Variants in IQUB observed in about 807,000 individuals in gnomAD.
The protein encoded by IQUB is IQ motif and ubiquitin-like domain-containing protein.
IQUB carries 86 observed loss-of-function variants against 86.4 expected under a neutral mutation model. That is an observed-to-expected ratio of 1.00 (90% confidence interval 0.84 to 1.19). The LOEUF is 1.19. IQUB is among the 50% of genes most tolerant of loss of function. IQUB has a pLI of 0.00. For synonymous variants in IQUB, 289 were observed against 304.5 expected (o/e 0.95, Z 0.53); for missense variants, 946 against 916.9 (o/e 1.03, Z -0.41).
rs1322074193 is a variant in IQUB, at chr7:123,524,119, G to C, written c.-5+10373C>G. 3.4e-5 allele frequency among the ~76,000 whole-genome samples: 5 copies of C among 147,838 alleles called. No homozygotes were observed. In the South Asian group the frequency reaches 1.1e-3, roughly 32 times the overall value. On this transcript the variant is annotated intron_variant, in intron 1 of 12. Coordinates refer to ENST00000324698, the MANE Select transcript of IQUB (RefSeq NM_178827.5). ...TTGGTTACTGTAGCCTTGTAGTATA[G>C]TTTGAAGTCAGGTAGTGTGATGCCT...
Position 123,524,519 on chromosome 7 carries a change from A to G in IQUB, c.-5+9973T>C, listed in dbSNP as rs1274747822. Among the ~76,000 whole-genome samples the G allele has an allele frequency of 2.0e-5, 3 of 148,482 alleles. No homozygotes were observed. The East Asian group carries it at 5.9e-4, about 29-fold the overall frequency. On this transcript the variant is annotated intron_variant, in intron 1 of 12. Coordinates refer to ENST00000324698, the MANE Select transcript of IQUB (RefSeq NM_178827.5). The stretch of plus-strand genomic sequence containing the variant: ...GGCTCTCTGTCTGTTGTTGGTGTAT[A>G]AGAATGCTTGTGATTTTTGTACATT...
At chr7:123,529,828 A>G (rs1797445091) in intron 1 of IQUB, among the ~76,000 whole-genome samples, 1 of 151,468 alleles carries the variant, frequency 6.6e-6, no homozygotes, top group South Asian at 2.1e-4. Context: ...AGGTCAGGAG[A>G]TCAAGACCAT....
chr7:123,510,160 C>T lies in IQUB; in HGVS notation c.398-125G>A, dbSNP rs1796354736. ...TTACATAGAATACAAGTTGTTCTTG[C>T]TAGTGTTTCCCTGCTGTGCCCCAAT... On this transcript the variant is annotated intron_variant, in intron 2 of 12. Transcript: ENST00000324698. 3 of 624,112 alleles carry T rather than the reference C, an allele frequency of 4.8e-6. 1 individual carries two copies. In the Admixed American group the frequency reaches 8.5e-5, roughly 18 times the overall value. 38.7% of individuals were successfully genotyped at this position (624,112 alleles called of 1,614,324 possible). A position where few individuals can be genotyped will look rare whatever the true frequency, so the allele number is the denominator to read the frequency against.
chr7:123,502,886 CA>C (rs1796009941), intron 5 of IQUB, 57 bp downstream of exon 5: 4 of 1,450,934 alleles, frequency 2.8e-6, no homozygotes, highest in Middle Eastern at 1.8e-4. Context: ...GAGAGTCATA[CA>C]GTACAATTAT....
At chr7:123,486,069 G>T (rs952486020) in intron 7 of IQUB, among the ~76,000 whole-genome samples, 1 of 152,124 alleles carries the variant, frequency 6.6e-6, no homozygotes, top group East Asian at 1.9e-4. Flanking sequence ...CAGCTGGAGA[G>T]GTATAAGGAG....
chr7:123,479,229 T>G (rs1226503988), intron 8 of IQUB, among the ~76,000 whole-genome samples: 1 of 152,146 alleles, frequency 6.6e-6, no homozygotes, highest in Non-Finnish European at 1.5e-5. Context: ...AACAGACTAT[T>G]CAATATCAAA....
At chr7:123,532,213 T>C (rs1484682477) in intron 1 of IQUB, among the ~76,000 whole-genome samples, 1 of 152,220 alleles carries the variant, frequency 6.6e-6, no homozygotes, top group African/African-American at 2.4e-5. Context: ...TTTATTGTCA[T>C]TGCTTTCTAA....
At chr7:123,524,274 A>C (rs1797068859) in intron 1 of IQUB, among the ~76,000 whole-genome samples, 3 of 141,054 alleles carry the variant, frequency 2.1e-5, no homozygotes, top group Admixed American at 1.4e-4. Flanking sequence ...GATGGCATTG[A>C]ATCTGTAAAT....
chr7:123,497,230 C>T (rs763041786), intron 6 of IQUB, among the ~76,000 whole-genome samples: 1 of 152,130 alleles, frequency 6.6e-6, no homozygotes, highest in Non-Finnish European at 1.5e-5. Flanking sequence ...TACTTGCCAT[C>T]TCTATGCTTT....
At chr7:123,485,195 A>T (rs1795168044) in intron 7 of IQUB, among the ~76,000 whole-genome samples, 2 of 152,140 alleles carry the variant, frequency 1.3e-5, no homozygotes, top group Non-Finnish European at 2.9e-5. Context: ...TAAAGGTCCA[A>T]GACTAATATG....
chr7:123,527,177 A>C lies in IQUB; in HGVS notation c.-5+7315T>G, dbSNP rs529252876. On this transcript the variant is annotated intron_variant, in intron 1 of 12. Coordinates refer to ENST00000324698, the MANE Select transcript of IQUB (RefSeq NM_178827.5). ...GTTTTCAGCTCCATCAGCTCCTTTA[A>C]GCACTTTTCTTTATTGGTTATTGTA... is the stretch of plus-strand genomic sequence containing the variant. Among the ~76,000 whole-genome samples, 12 of 152,036 alleles carry C rather than the reference A, an allele frequency of 7.9e-5. No homozygotes were observed. In the East Asian group the frequency reaches 2.3e-3, roughly 29 times the overall value.
intron 7 of IQUB, among the ~76,000 whole-genome samples, chr7:123,488,120 C>T (rs924424152): frequency 6.6e-6 from 1 of 151,674 alleles, no homozygotes; most frequent in East Asian, 1.9e-4. Flanking sequence ...CCGAGGCGGG[C>T]GGATCACGAG....
At chr7:123,528,000 G>C (rs561596429) in intron 1 of IQUB, among the ~76,000 whole-genome samples, 1 of 152,218 alleles carries the variant, frequency 6.6e-6, no homozygotes, top group African/African-American at 2.4e-5. Flanking sequence ...GAGCCGGGTG[G>C]GGGATATAAT....
intron 1 of IQUB, among the ~76,000 whole-genome samples, chr7:123,533,789 TAGATGGA>T (rs1797646055): frequency 6.6e-6 from 1 of 152,174 alleles, no homozygotes; most frequent in Admixed American, 6.5e-5. Context: ...GAGAAATGGG[TAGATGGA>T]GGATTTTCAC....
At position 123,472,237 on chromosome 7, in the gene IQUB, CA is replaced by C. The variant is rs533129186; in HGVS notation, c.1411-2854del. 2.0e-3 allele frequency among the ~76,000 whole-genome samples: 196 copies of C among 96,744 alleles called. No individual in the cohort carries two copies. The Middle Eastern group carries it at 0.026, about 13-fold the overall frequency. 63.5% of individuals were successfully genotyped at this position (96,744 alleles called of 152,430 possible). On this transcript the variant is annotated intron_variant, in intron 8 of 12. Coordinates refer to ENST00000324698, the MANE Select transcript of IQUB (RefSeq NM_178827.5). ...TGGGCAACAGTGCAAGACCCCAACTCAAAAAAAAAAAGAAAAAAGAAAAGAA... is the reference window on the plus strand; with the variant it reads ...TGGGCAACAGTGCAAGACCCCAACTCAAAAAAAAAAGAAAAAAGAAAAGAA...
chr7:123,462,770 C>T, intron 10 of IQUB: 1 of 450,022 alleles, frequency 2.2e-6, no homozygotes, highest in South Asian at 1.6e-5. Context: ...AACACGTTAG[C>T]ACACGTCTCC....
chr7:123,510,145 T>C, intron 2 of IQUB, 110 bp from the exon 3 acceptor site: 1 of 672,146 alleles, frequency 1.5e-6, no homozygotes, highest in East Asian at 2.7e-5. Context: ...TTACATAGAA[T>C]ACAAGTTGTT....
intron 12 of IQUB, among the ~76,000 whole-genome samples, chr7:123,456,442 T>C (rs1412994467): frequency 6.6e-6 from 1 of 152,080 alleles, no homozygotes; most frequent in Non-Finnish European, 1.5e-5. Context: ...TTTCTTTCAA[T>C]CCCTAGAGTG....
chr7:123,495,279 A>G (rs2117161505), intron 7 of IQUB, among the ~76,000 whole-genome samples: 1 of 152,228 alleles, frequency 6.6e-6, no homozygotes, highest in Non-Finnish European at 1.5e-5. Context: ...AATATTCCTA[A>G]AGCCACTCAA....
Sources: gnomAD v4.1 joint callset for allele counts (sites outside exome capture counted in the v4.1 genomes callset) on GRCh38, gnomAD v4.1.1 for gene constraint, MANE v1.5 for transcripts, NCBI Gene and HGNC (gene_info 2026-07-23, HGNC 2026-07-21) for gene names.